ZBTB16: variants seen among roughly 807,000 people sequenced by gnomAD.
The protein encoded by ZBTB16 is zinc finger and BTB domain-containing protein 16.
In ZBTB16, 8 loss-of-function variants were observed where a neutral mutation model predicts 56.8. That is an observed-to-expected ratio of 0.14 (90% CI 0.08 to 0.25). The LOEUF is 0.25. Among genes scored for constraint, ZBTB16 ranks in the 10% least tolerant of loss-of-function variants. The pLI is 1.00. For missense variants in ZBTB16, 625 were observed against 903.0 expected (o/e 0.69, Z 3.95); for synonymous variants, 363 against 368.5 (o/e 0.98, Z 0.17).
chr11:114,111,156 C>CGTGTGCGTGT (rs1555137316), intron 2 of ZBTB16, among the ~76,000 whole-genome samples: 2 of 148,848 alleles, frequency 1.3e-5, no homozygotes, highest in Admixed American at 1.3e-4. Flanking sequence ...ATCTGTGCTG[C>CGTGTGCGTGT]GTGTGTGTGT....
intron 2 of ZBTB16, among the ~76,000 whole-genome samples, chr11:114,119,323 T>C (rs112856833): frequency 4.0e-5 from 6 of 149,272 alleles, no homozygotes; most frequent in Admixed American, 2.0e-4. Flanking sequence ...GGGGGTATTG[T>C]ATACGAGTTT....
intron 2 of ZBTB16, among the ~76,000 whole-genome samples, chr11:114,133,681 G>T (rs1171766160): frequency 6.6e-6 from 1 of 152,106 alleles, no homozygotes; most frequent in Non-Finnish European, 1.5e-5. Context: ...TGGTTTACTA[G>T]ATCAGGGACT....
chr11:114,115,288 G>T (rs929001852), intron 2 of ZBTB16, among the ~76,000 whole-genome samples: 8 of 151,390 alleles, frequency 5.3e-5, no homozygotes, highest in Admixed American at 6.6e-5. Context: ...CCTCTCCAGA[G>T]ATCAAAGGTG....
intron 4 of ZBTB16, among the ~76,000 whole-genome samples, chr11:114,222,260 A>T (rs760381779): frequency 7.8e-6 from 1 of 128,538 alleles, no homozygotes. Context: ...CTGAATGAAC[A>T]GAAAGTATCA....
chr11:114,153,902 G>A (rs764082969), intron 2 of ZBTB16, among the ~76,000 whole-genome samples: 3 of 152,210 alleles, frequency 2.0e-5, no homozygotes, highest in Non-Finnish European at 4.4e-5. Flanking sequence ...GTTAATGGCC[G>A]AGTCAGGTGG....
chr11:114,239,687 T>G (rs1051658707), intron 4 of ZBTB16, among the ~76,000 whole-genome samples: 1 of 152,190 alleles, frequency 6.6e-6, no homozygotes, highest in African/African-American at 2.4e-5. Context: ...CAGAGAGCTA[T>G]GCCTTGTGAC....
intron 4 of ZBTB16, among the ~76,000 whole-genome samples, chr11:114,190,756 CACAT>C (rs1362851583): frequency 0.014 from 1,543 of 113,478 alleles, 18 homozygotes; most frequent in African/African-American, 0.036. Flanking sequence ...CACACACACA[CACAT>C]ATATATACAC....
intron 2 of ZBTB16, among the ~76,000 whole-genome samples, chr11:114,142,449 C>T (rs1941977970): frequency 6.6e-6 from 1 of 152,222 alleles, no homozygotes. Context: ...AATCTACCTT[C>T]ATTTCAAACA....
chr11:114,141,348 C>T (rs1941939848), intron 2 of ZBTB16, among the ~76,000 whole-genome samples: 1 of 152,222 alleles, frequency 6.6e-6, no homozygotes, highest in East Asian at 1.9e-4. Flanking sequence ...TACTGTTGAT[C>T]TGCTCCTCTT....
intron 5 of ZBTB16, 72 bp downstream of exon 5, chr11:114,242,409 A>C: frequency 1.3e-6 from 2 of 1,577,494 alleles, no homozygotes; most frequent in Non-Finnish European, 8.6e-7. Flanking sequence ...CCAAGGACGT[A>C]AAGTGGAGGT....
intron 2 of ZBTB16, among the ~76,000 whole-genome samples, chr11:114,098,008 C>T (rs1212880330): frequency 6.6e-6 from 1 of 152,208 alleles, no homozygotes; most frequent in Non-Finnish European, 1.5e-5. Flanking sequence ...CAGAGGTTTT[C>T]TATTCACCAT....
intron 2 of ZBTB16, among the ~76,000 whole-genome samples, chr11:114,111,186 C>T (rs565602428): frequency 3.0e-5 from 3 of 100,838 alleles, no homozygotes; most frequent in African/African-American, 4.6e-5. Flanking sequence ...TGTGTGCACG[C>T]GCGAGATAAC....
intron 4 of ZBTB16, among the ~76,000 whole-genome samples, chr11:114,235,665 T>TCTTC (rs1565701588): frequency 2.5e-4 from 6 of 24,122 alleles, no homozygotes; most frequent in African/African-American, 6.3e-4. Context: ...TTTCTTTCTT[T>TCTTC]CTTTCTTTCT....
intron 2 of ZBTB16, among the ~76,000 whole-genome samples, chr11:114,123,342 T>G (rs1941397450): frequency 6.6e-6 from 1 of 152,112 alleles, no homozygotes; most frequent in South Asian, 2.1e-4. Flanking sequence ...CCAGTGCAGA[T>G]GAAAAGGCTG....
chr11:114,100,511 A>G (rs752182588), intron 2 of ZBTB16, among the ~76,000 whole-genome samples: 1 of 152,182 alleles, frequency 6.6e-6, no homozygotes, highest in African/African-American at 2.4e-5. Flanking sequence ...TATGTATTTA[A>G]TATTTCATCT....
In ZBTB16 at chr11:114,075,252, C is replaced by T. The variant is rs186069490; in HGVS notation, c.1268+10684C>T. On this transcript the variant is annotated intron_variant, in intron 2 of 6. Transcript: ENST00000335953. ...TTCTGTCTCTTAGAGGCTGTGTGAC[C>T]GTGGCAAGATTCCTCACCACTCACT... 9.9e-5 allele frequency among the ~76,000 whole-genome samples: 15 copies of T among 152,104 alleles called. No homozygotes were observed. The East Asian group carries it at 1.9e-3, about 20-fold the overall frequency.
At chr11:114,186,263 G>A (rs1943358651) in intron 3 of ZBTB16, among the ~76,000 whole-genome samples, 1 of 98,906 alleles carries the variant, frequency 1.0e-5, no homozygotes, top group Non-Finnish European at 2.1e-5. Flanking sequence ...ATATGCACAG[G>A]CCTAGCAATG....
intron 2 of ZBTB16, among the ~76,000 whole-genome samples, chr11:114,099,174 C>T (rs527359105): frequency 6.6e-6 from 1 of 152,230 alleles, no homozygotes; most frequent in South Asian, 2.1e-4. Flanking sequence ...TTGTATCCTC[C>T]TAAAACAACC....
intron 3 of ZBTB16, among the ~76,000 whole-genome samples, chr11:114,156,958 G>A (rs1942430163): frequency 6.6e-6 from 1 of 152,148 alleles, no homozygotes. Context: ...GGAATGGGGA[G>A]AAGCACCTGA....
Sources: gnomAD v4.1 joint callset for allele counts (sites outside exome capture counted in the v4.1 genomes callset) on GRCh38, gnomAD v4.1.1 for gene constraint, MANE v1.5 for transcripts, NCBI Gene and HGNC (gene_info 2026-07-23, HGNC 2026-07-21) for gene names.